Variants in ACTR3C observed in about 807,000 individuals in gnomAD.
ACTR3C encodes the protein actin related protein 3C, also known as actin-related protein 3C.
Under a neutral mutation model 26.3 loss-of-function variants are expected in ACTR3C, and 18 were observed. The observed-to-expected ratio is 0.68, with a 90% CI of 0.47 to 1.01. The LOEUF is 1.01. Ranked by LOEUF, ACTR3C falls within the 50% of genes least tolerant of loss-of-function variation. The pLI, the probability that ACTR3C is intolerant of heterozygous loss-of-function variation, is 0.00. For synonymous variants in ACTR3C, 55 were observed against 94.5 expected (o/e 0.58, Z 2.42); for missense variants, 184 against 250.7 (o/e 0.73, Z 1.80).
chr7:150,047,590 GC>G, the ACTR3C span: 1 of 1,018,168 alleles, frequency 9.8e-7, no homozygotes, highest in Middle Eastern at 4.6e-4. Context: ...GCCGTCCCCC[GC>G]CCCCGAGAAG....
the ACTR3C span, among the ~76,000 whole-genome samples, chr7:150,128,873 C>T: frequency 5.9e-5 from 9 of 151,804 alleles, no homozygotes; most frequent in East Asian, 1.9e-4. Flanking sequence ...TTTGAGCTTA[C>T]GAGGGCCCCA....
chr7:150,253,906 T>G (rs1833025236), intron 6 of ACTR3C, among the ~76,000 whole-genome samples: 1 of 144,394 alleles, frequency 6.9e-6, no homozygotes. Flanking sequence ...CAGTTTTTTT[T>G]CGTGTTTTTT....
At chr7:150,042,477 G>A in the ACTR3C span, among the ~76,000 whole-genome samples, 2 of 132,446 alleles carry the variant, frequency 1.5e-5, no homozygotes, top group African/African-American at 2.7e-5. Flanking sequence ...GAAAGGGGGA[G>A]GTTCGCAGTC....
chr7:150,133,315 T>C, the ACTR3C span, among the ~76,000 whole-genome samples: 1 of 152,122 alleles, frequency 6.6e-6, no homozygotes, highest in Non-Finnish European at 1.5e-5. Flanking sequence ...CAACTCTCCC[T>C]CCCCAATCAC....
chr7:149,939,767 GC>G, the ACTR3C span, among the ~76,000 whole-genome samples: 1 of 145,212 alleles, frequency 6.9e-6, no homozygotes, highest in East Asian at 2.0e-4. Context: ...AAACCTGTGT[GC>G]CCTTCAGTAT....
chr7:150,057,186 C>T, the ACTR3C span, among the ~76,000 whole-genome samples: 1 of 151,584 alleles, frequency 6.6e-6, no homozygotes, highest in East Asian at 1.9e-4. Context: ...CAAGATAAAA[C>T]ACAAGACTTC....
intron 4 of ACTR3C, among the ~76,000 whole-genome samples, chr7:150,286,896 C>A (rs1835820738): frequency 1.3e-5 from 2 of 151,990 alleles, no homozygotes; most frequent in African/African-American, 2.4e-5. Flanking sequence ...GCTCTGGCAC[C>A]TCACTGTGGT....
At chr7:149,931,089 C>G in the ACTR3C span, among the ~76,000 whole-genome samples, 2 of 152,232 alleles carry the variant, frequency 1.3e-5, no homozygotes, top group African/African-American at 4.8e-5. Flanking sequence ...TGGTCTTGAA[C>G]TCCTGACCTC....
At chr7:149,952,775 T>C in the ACTR3C span, among the ~76,000 whole-genome samples, 1 of 151,214 alleles carries the variant, frequency 6.6e-6, no homozygotes, top group Admixed American at 6.6e-5. Context: ...GTCTACCATC[T>C]ATTAGGTTGG....
At position 150,252,103 on chromosome 7, in the gene ACTR3C, C is replaced by T. The variant is rs556901076; in HGVS notation, c.565-3049G>A. 8.0e-5 allele frequency among the ~76,000 whole-genome samples: 12 copies of T among 149,922 alleles called. No homozygotes were observed. In the South Asian group the frequency reaches 1.1e-3, roughly 13 times the overall value. ...ATTTGGTTTAAAATTTTAATCCCTCCGTGTGTGTTTGTGTATGTGTCTGTG... is the reference window on the plus strand; with the variant it reads ...ATTTGGTTTAAAATTTTAATCCCTCTGTGTGTGTTTGTGTATGTGTCTGTG... On this transcript the variant is annotated intron_variant, in intron 6 of 7. Transcript: ENST00000683684.
chr7:149,960,017 C>T, the ACTR3C span, among the ~76,000 whole-genome samples: 15 of 151,370 alleles, frequency 9.9e-5, no homozygotes, highest in South Asian at 2.1e-4. Flanking sequence ...AACAATATGG[C>T]ACTTGCAGCC....
the ACTR3C span, among the ~76,000 whole-genome samples, chr7:150,135,960 C>T: frequency 6.6e-6 from 1 of 152,186 alleles, no homozygotes; most frequent in Non-Finnish European, 1.5e-5. Flanking sequence ...CAACCTGCTA[C>T]AGATTCTTGC....
chr7:150,025,851 T>G, the ACTR3C span, among the ~76,000 whole-genome samples: 1 of 151,752 alleles, frequency 6.6e-6, no homozygotes, highest in Non-Finnish European at 1.5e-5. Flanking sequence ...AGCTACTATG[T>G]CTGAAGGATA....
chr7:150,321,060 TAGCA>T (rs1487905005), intron 1 of ACTR3C, among the ~76,000 whole-genome samples: 1 of 152,216 alleles, frequency 6.6e-6, no homozygotes, highest in Non-Finnish European at 1.5e-5. Context: ...AGTTCAGTTT[TAGCA>T]AGAATCCTGC....
the ACTR3C span, among the ~76,000 whole-genome samples, chr7:150,148,359 C>T: frequency 6.6e-6 from 1 of 152,088 alleles, no homozygotes; most frequent in Non-Finnish European, 1.5e-5. Context: ...CACCTGTAAT[C>T]CCAGCTACTT....
At chr7:149,952,786 CA>C in the ACTR3C span, among the ~76,000 whole-genome samples, 5 of 150,850 alleles carry the variant, frequency 3.3e-5, no homozygotes, top group Non-Finnish European at 5.9e-5. Flanking sequence ...ATTAGGTTGG[CA>C]ACAATTAAAA....
At chr7:150,019,057 G>A in the ACTR3C span, among the ~76,000 whole-genome samples, 9 of 150,220 alleles carry the variant, frequency 6.0e-5, 2 homozygotes, top group African/African-American at 2.3e-4. Flanking sequence ...ATTTCTGAAG[G>A]ATTCAATGAA....
At chr7:150,219,205 T>C in the ACTR3C span, among the ~76,000 whole-genome samples, 1 of 144,824 alleles carries the variant, frequency 6.9e-6, no homozygotes, top group African/African-American at 2.9e-5. Flanking sequence ...GGCTAATACA[T>C]GCCCCAAACC....
At chr7:150,039,910 C>A in the ACTR3C span, among the ~76,000 whole-genome samples, 1 of 131,238 alleles carries the variant, frequency 7.6e-6, no homozygotes, top group African/African-American at 2.7e-5. Flanking sequence ...GGTGCCTCCT[C>A]CCCTGCGATG....
Sources: gnomAD v4.1 joint callset for allele counts (sites outside exome capture counted in the v4.1 genomes callset) on GRCh38, gnomAD v4.1.1 for gene constraint, MANE v1.5 for transcripts, NCBI Gene and HGNC (gene_info 2026-07-23, HGNC 2026-07-21) for gene names.